The following CCDC126 variants were observed in gnomAD, a reference collection of about 807,000 sequenced individuals.
CCDC126 encodes the protein coiled-coil domain-containing protein 126.
In CCDC126, 5 loss-of-function variants were observed where a neutral mutation model predicts 11.7. The ratio of observed to expected loss-of-function variants is 0.43; its 90% CI spans 0.22 to 0.90. The LOEUF (loss-of-function observed/expected upper bound fraction) is 0.90, where lower values mean the gene tolerates loss of function less well. Among genes scored for constraint, CCDC126 ranks in the 40% least tolerant of loss-of-function variants. CCDC126 has a pLI of 0.27. For synonymous variants in CCDC126, 60 were observed against 61.9 expected, an observed-to-expected ratio of 0.97 and a Z score of 0.14; for missense variants, 150 against 163.1, an observed-to-expected ratio of 0.92 and a Z score of 0.44.
At chr7:23,600,717 C>T (rs1463270396) in intron 2 of CCDC126, among the ~76,000 whole-genome samples, 7 of 152,080 alleles carry the variant, frequency 4.6e-5, no homozygotes, top group Admixed American at 4.6e-4. Context: ...AAATGTAGAG[C>T]ACTGAATAGA....
intron 3 of CCDC126, among the ~76,000 whole-genome samples, chr7:23,628,512 C>T (rs184372883): frequency 1.7e-4 from 26 of 152,348 alleles, no homozygotes; most frequent in Admixed American, 8.5e-4. Context: ...ACTGTTGCTG[C>T]ACTACCAGCT....
intron 3 of CCDC126, among the ~76,000 whole-genome samples, chr7:23,623,060 G>A (rs1209205505): frequency 5.1e-5 from 7 of 138,502 alleles, no homozygotes; most frequent in Non-Finnish European, 9.0e-5. Context: ...TGCAGCCTCT[G>A]CCTCCCGGGT....
intron 2 of CCDC126, among the ~76,000 whole-genome samples, chr7:23,600,623 C>T (rs1475176396): frequency 1.3e-5 from 2 of 152,038 alleles, no homozygotes; most frequent in Non-Finnish European, 2.9e-5. Flanking sequence ...TCTTCTAGTA[C>T]CTTTGGCTGA....
At chr7:23,636,965 C>T (rs1476167642) in intron 3 of CCDC126, among the ~76,000 whole-genome samples, 16 of 63,624 alleles carry the variant, frequency 2.5e-4, no homozygotes, top group African/African-American at 1.2e-3. Context: ...TCTGCCCGGC[C>T]GCCCCTACTG....
intron 3 of CCDC126, among the ~76,000 whole-genome samples, chr7:23,615,990 C>T (rs2128016840): frequency 6.6e-6 from 1 of 152,326 alleles, no homozygotes; most frequent in Non-Finnish European, 1.5e-5. Flanking sequence ...AATAGACTTG[C>T]TCCATGCAGA....
intron 3 of CCDC126, among the ~76,000 whole-genome samples, chr7:23,629,092 C>G (rs941915837): frequency 5.3e-5 from 8 of 152,108 alleles, no homozygotes; most frequent in Non-Finnish European, 1.2e-4. Flanking sequence ...TCACTTATAC[C>G]AAGAACCAGG....
chr7:23,612,145 CAAAAAAA>C (rs68133290), intron 3 of CCDC126, among the ~76,000 whole-genome samples: 1 of 55,374 alleles, frequency 1.8e-5, no homozygotes, highest in Non-Finnish European at 4.1e-5. Context: ...GACTCCGTCT[CAAAAAAA>C]AAAAAAAAAA....
Position 23,611,179 on chromosome 7 carries a change from G to A in CCDC126, c.-137G>A. On this transcript the variant is annotated 5_prime_UTR_variant, in exon 3 of 4. Coordinates refer to ENST00000307471, the MANE Select transcript of CCDC126 (RefSeq NM_138771.4). ...TCTTCTTAATTTTACAGAGTTAATA[G>A]AGTGGATACAACCTTGCTGAAGATG... 1 of 636,452 alleles carries A rather than the reference G, an allele frequency of 1.6e-6. No individual in the cohort carries two copies. Among genetic ancestry groups the A allele is most frequent in the East Asian group, 2.6e-5 (1 of 38,564 alleles). The allele number at this position is 636,452 out of a possible 1,614,324, so 39.4% of individuals were successfully genotyped here. A position where few individuals can be genotyped will look rare whatever the true frequency, so the allele number is the denominator to read the frequency against.
rs533135077 is a variant in CCDC126, at chr7:23,628,065, CAG to C, written c.239-14865_239-14864del. Among the ~76,000 whole-genome samples, 358 of 152,044 alleles carry C rather than the reference CAG, an allele frequency of 2.4e-3. 2 individuals are homozygous for C. Among genetic ancestry groups the C allele is most frequent in the African/African-American group, 8.0e-3 (333 of 41,450 alleles). ...TATTGTATAAGTAATGAATGGAAAA[CAG>C]TGTTATAAGCATTTTCAGAAGCAGG... On this transcript the variant is annotated intron_variant, in intron 3 of 3. Transcript: ENST00000307471.
intron 2 of CCDC126, among the ~76,000 whole-genome samples, chr7:23,601,172 T>A (rs1464625006): frequency 1.3e-5 from 2 of 151,956 alleles, no homozygotes; most frequent in African/African-American, 2.4e-5. Context: ...TCGCCTGAGC[T>A]CAAGAGTTTG....
At chr7:23,622,686 TAC>T in intron 3 of CCDC126, 2 of 531,894 alleles carry the variant, frequency 3.8e-6, no homozygotes, top group Non-Finnish European at 7.6e-6. Context: ...GACTGCTTAG[TAC>T]AGAGAGTAGC....
At position 23,597,490 on chromosome 7, in the gene CCDC126, G is replaced by A. The variant is rs1034647902; in HGVS notation, c.-346G>A. 6.6e-6 allele frequency: 1 copy of A among 152,258 alleles called. No individual in the cohort carries two copies. Among genetic ancestry groups the A allele is most frequent in the African/African-American group, 2.4e-5 (1 of 41,464 alleles). 9.4% of individuals were successfully genotyped at this position (152,258 alleles called of 1,614,324 possible). On this transcript the variant is annotated 5_prime_UTR_variant, in exon 1 of 4. Transcript: ENST00000307471. ...CACCGGCGTTTCTCCAGCTCGATCT[G>A]GAGGCTGCTTCGCCAGTGTGGGACG...
chr7:23,628,698 A>T (rs1252707453), intron 3 of CCDC126, among the ~76,000 whole-genome samples: 2 of 151,022 alleles, frequency 1.3e-5, no homozygotes, highest in Non-Finnish European at 2.9e-5. Context: ...ACCAGTGGAG[A>T]CCACATGGAG....
rs1373346412 is a variant in CCDC126 at position 23,644,324 on chromosome 7, C to CTTT, written c.*1209_*1210insTTT. ...CAAATTATACTTTTATTTAAATTTC[C>CTTT]CTTGTAGCAAATCTAATTGCCACAT... is the stretch of plus-strand genomic sequence containing the variant. On this transcript the variant is annotated 3_prime_UTR_variant, in exon 4 of 4. Transcript: ENST00000307471. 1 of 152,244 alleles carries CTTT rather than the reference C, an allele frequency of 6.6e-6. No individual in the cohort carries two copies. Among genetic ancestry groups the CTTT allele is most frequent in the Non-Finnish European group, 1.5e-5 (1 of 67,886 alleles). 9.4% of individuals were successfully genotyped at this position (152,244 alleles called of 1,614,324 possible).
chr7:23,611,897 A>G (rs1782717879), intron 3 of CCDC126, among the ~76,000 whole-genome samples: 1 of 152,086 alleles, frequency 6.6e-6, no homozygotes. Context: ...TAATCCCAGC[A>G]CTTTGGGAGG....
At chr7:23,608,751 A>G (rs1008780347) in intron 2 of CCDC126, among the ~76,000 whole-genome samples, 3 of 152,214 alleles carry the variant, frequency 2.0e-5, no homozygotes, top group Non-Finnish European at 2.9e-5. Context: ...GACAGAACCA[A>G]TTTATCAAGA....
intron 3 of CCDC126, among the ~76,000 whole-genome samples, chr7:23,637,528 T>G (rs1379392201): frequency 2.7e-5 from 1 of 37,344 alleles, no homozygotes; most frequent in Non-Finnish European, 4.8e-5. Context: ...GGGAGGGAGG[T>G]GGGGGGATCA....
At chr7:23,605,173 A>G (rs945212976) in intron 2 of CCDC126, among the ~76,000 whole-genome samples, 2 of 152,100 alleles carry the variant, frequency 1.3e-5, no homozygotes, top group South Asian at 2.1e-4. Flanking sequence ...GCAATTGTAT[A>G]GACCCTGAGG....
At chr7:23,637,839 G>T (rs1783264920) in intron 3 of CCDC126, among the ~76,000 whole-genome samples, 1 of 118,290 alleles carries the variant, frequency 8.5e-6, no homozygotes. Context: ...GGAGGGAGGT[G>T]GGGGGGTCAG....
Sources: gnomAD v4.1 joint callset for allele counts (sites outside exome capture counted in the v4.1 genomes callset) on GRCh38, gnomAD v4.1.1 for gene constraint, MANE v1.5 for transcripts, NCBI Gene and HGNC (gene_info 2026-07-23, HGNC 2026-07-21) for gene names.